The following PTPRH variants were observed in gnomAD, a reference collection of about 807,000 sequenced individuals.
The protein encoded by PTPRH is protein tyrosine phosphatase receptor type H.
PTPRH carries 113 observed loss-of-function variants against 130.2 expected under a neutral mutation model. That is an observed-to-expected ratio of 0.87 (90% CI 0.75 to 1.01). The LOEUF (loss-of-function observed/expected upper bound fraction) is 1.01, where lower values mean the gene tolerates loss of function less well. PTPRH is among the 50% of genes least tolerant of loss of function. PTPRH has a pLI of 0.00. For synonymous variants in PTPRH, 556 were observed against 577.9 expected (o/e 0.96, Z 0.54); for missense variants, 1,430 against 1,425.0 (o/e 1.00, Z -0.06).
chr19:55,206,545 C>CTGAT, intron 3 of PTPRH, 144 bp downstream of exon 3: 1 of 856,238 alleles, frequency 1.2e-6, no homozygotes, highest in Non-Finnish European at 1.7e-6. Flanking sequence ...TTTTATGTGG[C>CTGAT]TGATAGAAAA....
At chr19:55,185,463 C>T (rs371074004) in intron 18 of PTPRH, 39 bp downstream of exon 18, 65 of 1,604,382 alleles carry the variant, frequency 4.1e-5, no homozygotes, top group Non-Finnish European at 5.1e-5. Flanking sequence ...CCCAAGGGAG[C>T]GGTTCTCTCA....
intron 1 of PTPRH, among the ~76,000 whole-genome samples, chr19:55,207,504 A>G (rs1318939803): frequency 6.6e-6 from 1 of 152,156 alleles, no homozygotes; most frequent in Non-Finnish European, 1.5e-5. Flanking sequence ...GGCAGAGAGC[A>G]ATGAACAGAC....
intron 1 of PTPRH, among the ~76,000 whole-genome samples, chr19:55,207,558 G>T (rs577081271): frequency 1.0e-3 from 157 of 152,328 alleles, no homozygotes; most frequent in African/African-American, 3.7e-3. Flanking sequence ...AGGAACCTTG[G>T]CCTGAGGGTG....
chr19:55,209,286 C>A lies in PTPRH; in HGVS notation c.51+97G>T. ...TCCTTCTCCAGGGGATCTTCAGCACCTACTTCCTCAAGATCGAGGTGCAGG... is the reference window on the plus strand; with the variant it reads ...TCCTTCTCCAGGGGATCTTCAGCACATACTTCCTCAAGATCGAGGTGCAGG... On this transcript the variant is annotated intron_variant, in intron 1 of 19. Coordinates refer to ENST00000376350, the MANE Select transcript of PTPRH (RefSeq NM_002842.5). This position sits in a 1 kb window ranked among gnomAD's most constrained non-coding sequence, Gnocchi z 4.1. 9.4e-7 allele frequency: 1 copy of A among 1,061,658 alleles called. No homozygotes were observed. The highest frequency in any genetic ancestry group is 1.3e-5 in the South Asian group (1 of 74,194). 65.8% of individuals were successfully genotyped at this position (1,061,658 alleles called of 1,614,324 possible).
Position 55,203,893 on chromosome 19 carries a change from CTG to C in PTPRH, c.773_774del (p.Thr258ArgfsTer28). 1 of 1,614,210 alleles carries C rather than the reference CTG, an allele frequency of 6.2e-7. No homozygotes were observed. The highest frequency in any genetic ancestry group is 8.5e-7 in the Non-Finnish European group (1 of 1,180,040). On this transcript the variant is annotated frameshift_variant, in exon 5 of 20. Coordinates refer to ENST00000376350, the MANE Select transcript of PTPRH (RefSeq NM_002842.5). LOFTEE classifies it high-confidence loss of function. ...AGGCCATCCACGGTGACTCTGGTGT[CTG>C]TTGTGTTTCGAGTCTCTGTTCTGCC... ...DGGRTETRNT[T>X]DTRVTVDGLG...
Position 55,196,442 on chromosome 19 carries a change from A to T in PTPRH, c.2257+80T>A, listed in dbSNP as rs1465984036. On this transcript the variant is annotated intron_variant, in intron 10 of 19. Transcript: ENST00000376350. ...AGGAAATGAGAAACAAAAGAGTCCCACTGATTTCCTCACAATGGGGCCTGA... is the reference window on the plus strand; with the variant it reads ...AGGAAATGAGAAACAAAAGAGTCCCTCTGATTTCCTCACAATGGGGCCTGA... 3.4e-6 allele frequency: 5 copies of T among 1,454,928 alleles called. No individual in the cohort carries two copies. The East Asian group carries it at 9.2e-5, about 27-fold the overall frequency. 90.1% of individuals were successfully genotyped at this position (1,454,928 alleles called of 1,614,324 possible). A position where few individuals can be genotyped will look rare whatever the true frequency, so the allele number is the denominator to read the frequency against.
In PTPRH at chr19:55,186,500, C is replaced by A; in HGVS notation, c.2607G>T (p.Glu869Asp). ...TGGCATTGATGTAGTCAGAGCCTGG[C>A]TCCTCATGGATGGGCTTCAGGGGCA... ...SRVPLKPIHE[E>D]PGSDYINASF... Residue 869 changes from glutamate to aspartate, a missense_variant, in exon 15 of 20, where the codon GAG (glutamate) becomes GAT (aspartate). Transcript: ENST00000376350. 6.4e-7 allele frequency: 1 copy of A among 1,556,314 alleles called. No individual in the cohort carries two copies.
At chr19:55,196,893 A>G (rs767780565) in intron 9 of PTPRH, 105 bp from the exon 10 acceptor site, 1 of 1,391,690 alleles carries the variant, frequency 7.2e-7, no homozygotes, top group Admixed American at 2.3e-5. Flanking sequence ...TTCCTCGCCA[A>G]ATCCAAACTA....
chr19:55,204,626 A>G (rs2122298135), intron 4 of PTPRH, among the ~76,000 whole-genome samples: 1 of 150,968 alleles, frequency 6.6e-6, no homozygotes, highest in African/African-American at 2.4e-5. Context: ...TCACTTGCCA[A>G]TGTATTTCCA....
In PTPRH at chr19:55,194,102, G is replaced by A. The variant is rs148106430; in HGVS notation, c.2258-2361C>T. The A allele has an allele frequency of 3.4e-3, 4,197 of 1,222,202 alleles. 107 individuals carry two copies. In the East Asian group the frequency reaches 0.05, roughly 15 times the overall value. 75.7% of individuals were successfully genotyped at this position (1,222,202 alleles called of 1,614,324 possible). ...CAACCACAGGTGATCCTCCCGCCTC[G>A]GCCTCCCAAAGTGCTGGGATTACAG... On this transcript the variant is annotated intron_variant, in intron 10 of 19. Transcript: ENST00000376350.
chr19:55,190,774 C>T (rs756492605), intron 12 of PTPRH, among the ~76,000 whole-genome samples: 6 of 150,746 alleles, frequency 4.0e-5, no homozygotes, highest in Non-Finnish European at 8.8e-5. Flanking sequence ...GGATTACAGG[C>T]GTGAGCCACC....
At chr19:55,204,764 G>A (rs959380374) in intron 4 of PTPRH, among the ~76,000 whole-genome samples, 4 of 152,216 alleles carry the variant, frequency 2.6e-5, no homozygotes, top group African/African-American at 9.6e-5. Flanking sequence ...AGTATGGTAG[G>A]AGAACAGAGA....
At chr19:55,184,405 C>T (rs1399553420) in intron 18 of PTPRH, among the ~76,000 whole-genome samples, 1 of 152,176 alleles carries the variant, frequency 6.6e-6, no homozygotes, top group East Asian at 1.9e-4. Context: ...GTGACTGAAA[C>T]CAGAGCCCCA....
Position 55,209,297 on chromosome 19 carries a change from A to C in PTPRH, c.51+86T>G. On this transcript the variant is annotated intron_variant, in intron 1 of 19. Transcript: ENST00000376350. The surrounding 1 kb of genome is among the most constrained non-coding windows in gnomAD (Gnocchi z 4.1). ...GGGATCTTCAGCACCTACTTCCTCA[A>C]GATCGAGGTGCAGGCACCCAGCTCC... 8.5e-7 allele frequency: 1 copy of C among 1,171,432 alleles called. No individual in the cohort carries two copies. The highest frequency in any genetic ancestry group is 1.2e-6 in the Non-Finnish European group (1 of 800,174). 72.6% of individuals were successfully genotyped at this position (1,171,432 alleles called of 1,614,324 possible).
intron 10 of PTPRH, chr19:55,192,164 A>G (rs2086561694): frequency 8.4e-6 from 3 of 356,426 alleles, no homozygotes; most frequent in Non-Finnish European, 1.7e-5. Flanking sequence ...GCACTTTGGG[A>G]GGCGGAGATG....
Position 55,203,852 on chromosome 19 carries a change from C to A in PTPRH, c.816G>T (p.Leu272Phe). 1 of 1,614,208 alleles carries A rather than the reference C, an allele frequency of 6.2e-7. No homozygotes were observed. The change falls in exon 5 of 20, where the codon TTG (leucine) becomes TTT (phenylalanine). Residue 272 changes from leucine (L) to phenylalanine (F), a missense_variant. Transcript: ENST00000376350. ...VTVDGLGPGS[L>F]YTCSVWVEKD... ...TCTCCACCCACACAGAACACGTATA[C>A]AATGACCCGGGTCCAAGGCCATCCA...
chr19:55,190,489 T>C (rs1484555241), intron 12 of PTPRH, among the ~76,000 whole-genome samples: 2 of 129,120 alleles, frequency 1.5e-5, no homozygotes, highest in Admixed American at 9.4e-5. Context: ...ATATATTATA[T>C]AATTTATATA....
chr19:55,182,186 C>T (rs2086196779), intron 18 of PTPRH, 35 bp from the exon 19 acceptor site: 2 of 1,606,034 alleles, frequency 1.2e-6, no homozygotes, highest in African/African-American at 1.3e-5. Context: ...GACCAAGGGG[C>T]AGGAGTGTGA....
At chr19:55,182,882 C>A (rs1477414042) in intron 18 of PTPRH, among the ~76,000 whole-genome samples, 1 of 151,900 alleles carries the variant, frequency 6.6e-6, no homozygotes, top group African/African-American at 2.4e-5. Flanking sequence ...GCACCCTTGA[C>A]CTCCTGGGCT....
Sources: gnomAD v4.1 joint callset for allele counts (sites outside exome capture counted in the v4.1 genomes callset) on GRCh38, gnomAD v4.1.1 for gene constraint, Gnocchi (gnomAD v3.1) non-coding constraint, MANE v1.5 for transcripts, NCBI Gene and HGNC (gene_info 2026-07-23, HGNC 2026-07-21) for gene names.